Variants in ANKRD33B observed in about 807,000 individuals in gnomAD.
The protein encoded by ANKRD33B is ankyrin repeat domain-containing protein 33B.
ANKRD33B carries 6 observed loss-of-function variants against 21.5 expected under a neutral mutation model. That is an observed-to-expected ratio of 0.28 (90% CI 0.15 to 0.55). ANKRD33B has a LOEUF of 0.55. Among genes scored for constraint, ANKRD33B ranks in the 20% least tolerant of loss-of-function variants. The pLI, the probability that ANKRD33B is intolerant of heterozygous loss-of-function variation, is 0.94. For missense variants in ANKRD33B, 698 were observed against 747.2 expected (o/e 0.93, Z 0.77); for synonymous variants, 347 against 342.4 (o/e 1.01, Z -0.15).
intron 1 of ANKRD33B, among the ~76,000 whole-genome samples, chr5:10,597,455 A>G (rs555402756): frequency 1.1e-4 from 16 of 152,220 alleles, no homozygotes; most frequent in African/African-American, 3.9e-4. Context: ...AGGGCATTAC[A>G]TAATGGTAAA....
At chr5:10,579,267 T>G (rs1295171779) in intron 1 of ANKRD33B, among the ~76,000 whole-genome samples, 1 of 151,600 alleles carries the variant, frequency 6.6e-6, no homozygotes, top group Non-Finnish European at 1.5e-5. Flanking sequence ...ATCATTCTTA[T>G]GGATTGGTTT....
chr5:10,637,928 G>A, intron 2 of ANKRD33B, 100 bp from the exon 3 acceptor site: 1 of 1,375,180 alleles, frequency 7.3e-7, no homozygotes, highest in Admixed American at 2.2e-5. Context: ...GCTGGCCCAG[G>A]GCTGACTCAG....
chr5:10,601,057 TCAGA>T (rs1211732314), intron 1 of ANKRD33B, among the ~76,000 whole-genome samples: 1 of 151,910 alleles, frequency 6.6e-6, no homozygotes, highest in Non-Finnish European at 1.5e-5. Context: ...CAGCTATGAG[TCAGA>T]CAGACAGATG....
intron 2 of ANKRD33B, among the ~76,000 whole-genome samples, chr5:10,637,555 T>C (rs1442425616): frequency 6.6e-6 from 1 of 152,014 alleles, no homozygotes; most frequent in East Asian, 1.9e-4. Flanking sequence ...ATTGGCACTG[T>C]CCTATTGCTA....
At chr5:10,629,069 T>C (rs923047036) in intron 2 of ANKRD33B, among the ~76,000 whole-genome samples, 4 of 151,988 alleles carry the variant, frequency 2.6e-5, no homozygotes, top group East Asian at 3.9e-4. Flanking sequence ...AACCAGCTCA[T>C]TGAAGAGTTG....
In ANKRD33B at chr5:10,576,585, C is replaced by T. The variant is rs1227355208; in HGVS notation, c.366+11752C>T. ...AGGCTTACTATGAAGATAATAACAC[C>T]TCCTAGAGGTTCTAGGCAGAACTAA... On this transcript the variant is annotated intron_variant, in intron 1 of 3. Coordinates refer to ENST00000296657, the MANE Select transcript of ANKRD33B (RefSeq NM_001164440.2). This position sits in a 1 kb window ranked among gnomAD's most constrained non-coding sequence, Gnocchi z 4.1. Among the ~76,000 whole-genome samples the T allele has an allele frequency of 1.3e-5, 2 of 152,152 alleles. No individual in the cohort carries two copies. Among genetic ancestry groups the T allele is most frequent in the Non-Finnish European group, 2.9e-5 (2 of 68,028 alleles).
chr5:10,649,898 C>T lies in ANKRD33B; in HGVS notation c.1270C>T (p.Pro424Ser), dbSNP rs1737297326. Residue 424 changes from proline (P) to serine (S), a missense_variant, in exon 4 of 4, where the codon CCC becomes TCC. Physicochemically the swap from Pro to Ser is moderately conservative, Grantham distance 74. Coordinates refer to ENST00000296657, the MANE Select transcript of ANKRD33B (RefSeq NM_001164440.2). ...AAGCGTGCGGCCCGGTGTGGTGGTGCCCCGGGTCCGAGTCAGCAAGGCGCC... is the reference window on the plus strand; with the variant it reads ...AAGCGTGCGGCCCGGTGTGGTGGTGTCCCGGGTCCGAGTCAGCAAGGCGCC... ...RRSVRPGVVV[P>S]RVRVSKAPAP... 2.0e-6 allele frequency: 3 copies of T among 1,514,410 alleles called. No homozygotes were observed. The highest frequency in any genetic ancestry group is 2.4e-5 in the South Asian group (2 of 82,030). 93.8% of individuals were successfully genotyped at this position (1,514,410 alleles called of 1,614,324 possible).
Position 10,655,037 on chromosome 5 carries a change from T to C in ANKRD33B, c.*4924T>C, listed in dbSNP as rs1195391691. ...CTCAGGACTATGGAGATCAGAATTG[T>C]AATGGCTTTGTCATCTCAGTGTGGC... is the stretch of plus-strand genomic sequence containing the variant. On this transcript the variant is annotated 3_prime_UTR_variant, in exon 4 of 4. Coordinates refer to ENST00000296657, the MANE Select transcript of ANKRD33B (RefSeq NM_001164440.2). 1 of 152,356 alleles carries C rather than the reference T, an allele frequency of 6.6e-6. No individual in the cohort carries two copies. The highest frequency in any genetic ancestry group is 1.9e-4 in the East Asian group (1 of 5,336). 9.4% of individuals were successfully genotyped at this position (152,356 alleles called of 1,614,324 possible).
intron 1 of ANKRD33B, among the ~76,000 whole-genome samples, chr5:10,609,987 A>T (rs935249498): frequency 1.2e-4 from 19 of 152,226 alleles, no homozygotes; most frequent in Admixed American, 4.6e-4. Context: ...AAATGGACAA[A>T]AGACATAATT....
chr5:10,586,006 C>T (rs1735550371), intron 1 of ANKRD33B, among the ~76,000 whole-genome samples: 1 of 152,192 alleles, frequency 6.6e-6, no homozygotes, highest in Non-Finnish European at 1.5e-5. Flanking sequence ...ATCAAGGACC[C>T]AACAGGCAGC....
chr5:10,594,221 CTTTTTTTTTTTTT>C (rs10658307), intron 1 of ANKRD33B, among the ~76,000 whole-genome samples: 1 of 83,160 alleles, frequency 1.2e-5, no homozygotes, highest in Non-Finnish European at 2.2e-5. Context: ...ACACATCCTT[CTTTTTTTTTTTTT>C]TTTTTTTTTT....
chr5:10,630,640 A>G (rs1378365657), intron 2 of ANKRD33B, among the ~76,000 whole-genome samples: 2 of 152,220 alleles, frequency 1.3e-5, no homozygotes, highest in African/African-American at 4.8e-5. Context: ...CTTCGGAATG[A>G]AAACCCAAAA....
intron 2 of ANKRD33B, among the ~76,000 whole-genome samples, chr5:10,626,783 G>A (rs1369518392): frequency 6.6e-6 from 1 of 152,234 alleles, no homozygotes; most frequent in East Asian, 1.9e-4. Flanking sequence ...ATTTCCAGAA[G>A]GCTCCAGCAG....
intron 1 of ANKRD33B, among the ~76,000 whole-genome samples, chr5:10,616,290 G>T (rs1273784827): frequency 6.6e-6 from 1 of 152,078 alleles, no homozygotes; most frequent in Non-Finnish European, 1.5e-5. Context: ...AAATTGGCCG[G>T]GTGTGTTGGC....
At chr5:10,618,754 C>T (rs1331470554) in intron 2 of ANKRD33B, among the ~76,000 whole-genome samples, 1 of 152,198 alleles carries the variant, frequency 6.6e-6, no homozygotes, top group Non-Finnish European at 1.5e-5. Context: ...CACACTCCAT[C>T]CTGCTCCCGA....
intron 3 of ANKRD33B, 37 bp from the exon 4 acceptor site, chr5:10,649,229 C>T (rs781539872): frequency 1.3e-6 from 2 of 1,488,852 alleles, no homozygotes; most frequent in Non-Finnish European, 1.8e-6. Context: ...GTCCTTGTTG[C>T]CGCCACCCAC....
In ANKRD33B at chr5:10,618,117, C is replaced by T. The variant is rs557326921; in HGVS notation, c.367-216C>T. 4.6e-5 allele frequency among the ~76,000 whole-genome samples: 7 copies of T among 152,324 alleles called. No individual in the cohort carries two copies. In the East Asian group the frequency reaches 7.7e-4, roughly 17 times the overall value. On this transcript the variant is annotated intron_variant, in intron 1 of 3. Coordinates refer to ENST00000296657, the MANE Select transcript of ANKRD33B (RefSeq NM_001164440.2). ...CCTTAGCAGTTCACTGATGTTTTCACGTCTAGGCCCTCACTCGAGTCAGTG... is the reference window on the plus strand; with the variant it reads ...CCTTAGCAGTTCACTGATGTTTTCATGTCTAGGCCCTCACTCGAGTCAGTG...
intron 2 of ANKRD33B, among the ~76,000 whole-genome samples, chr5:10,625,924 G>A (rs1736535729): frequency 6.6e-6 from 1 of 152,194 alleles, no homozygotes; most frequent in Admixed American, 6.5e-5. Context: ...ATGAGGGCCT[G>A]TCAATTACGG....
At chr5:10,584,309 G>A (rs185577863) in intron 1 of ANKRD33B, among the ~76,000 whole-genome samples, 29 of 152,298 alleles carry the variant, frequency 1.9e-4, no homozygotes, top group Middle Eastern at 3.4e-3. Flanking sequence ...ACTTCGGGAG[G>A]CTGAAGTGGG....
Sources: gnomAD v4.1 joint callset for allele counts (sites outside exome capture counted in the v4.1 genomes callset) on GRCh38, gnomAD v4.1.1 for gene constraint, Gnocchi (gnomAD v3.1) non-coding constraint, MANE v1.5 for transcripts, NCBI Gene and HGNC (gene_info 2026-07-23, HGNC 2026-07-21) for gene names.